MED23: variants seen among roughly 807,000 people sequenced by gnomAD.
The protein encoded by MED23 is mediator of RNA polymerase II transcription subunit 23.
In MED23, 105 loss-of-function variants were observed where a neutral mutation model predicts 163.9. The observed-to-expected ratio is 0.64, with a 90% CI of 0.55 to 0.75. The LOEUF is 0.75. Ranked by LOEUF, MED23 falls within the 30% of genes least tolerant of loss-of-function variation. The pLI, the probability that MED23 is intolerant of heterozygous loss-of-function variation, is 0.00. For missense variants in MED23, 1,054 were observed against 1,649.0 expected (o/e 0.64, Z 6.25); for synonymous variants, 561 against 565.6 (o/e 0.99, Z 0.12).
intron 8 of MED23, among the ~76,000 whole-genome samples, 190 bp from the exon 9 acceptor site, chr6:131,618,709 G>A (rs928231398): frequency 2.6e-5 from 4 of 152,190 alleles, no homozygotes; most frequent in Middle Eastern, 3.2e-3. Flanking sequence ...AGATCAATTT[G>A]CACAGGCTTT....
chr6:131,591,242 T>C, intron 26 of MED23, 71 bp downstream of exon 26: 1 of 1,210,790 alleles, frequency 8.3e-7, no homozygotes, highest in Non-Finnish European at 1.2e-6. Context: ...CCTCCCAAAG[T>C]GCTGGGATTA....
downstream of MED23, among the ~76,000 whole-genome samples, chr6:131,584,955 C>T (rs1046017040): frequency 4.7e-5 from 7 of 148,858 alleles, no homozygotes; most frequent in Non-Finnish European, 7.4e-5. Flanking sequence ...GCTTAGATCA[C>T]GCCACTGCAC....
intron 30 of MED23, among the ~76,000 whole-genome samples, chr6:131,575,079 C>A (rs1019557332): frequency 4.0e-5 from 6 of 151,888 alleles, no homozygotes; most frequent in Non-Finnish European, 8.8e-5. Context: ...ATAGAGCAAG[C>A]AAGAGGAAAG....
Position 131,600,130 on chromosome 6 carries a change from T to A in MED23, c.2128A>T (p.Thr710Ser). 6.2e-7 allele frequency: 1 copy of A among 1,612,214 alleles called. No homozygotes were observed. The highest frequency in any genetic ancestry group is 8.5e-7 in the Non-Finnish European group (1 of 1,178,312). The change falls in exon 18 of 29, where the codon ACT becomes TCT. Residue 710 changes from threonine to serine, a missense_variant. Physicochemically the swap from Thr to Ser is moderately conservative, Grantham distance 58. This residue lies in a region of MED23 where 228 missense variants were observed against 461.3 expected (regional missense o/e 0.49). Transcript: ENST00000368068. ...FFTGSDSIQG[T>S]WCKDILQTIM... ...GTCTGAAGTATGTCTTTACACCAAG[T>A]TCCCTGAATTGAATCAGAGCCTGTA...
chr6:131,581,329 A>C (rs1562359055), intron 30 of MED23: 6 of 1,613,836 alleles, frequency 3.7e-6, no homozygotes, highest in Non-Finnish European at 4.2e-6. Context: ...ACAAGTGGAA[A>C]CTTGCATGGA....
chr6:131,593,225 A>C lies in MED23; in HGVS notation c.3233-54T>G, dbSNP rs892754881. The C allele has an allele frequency of 5.6e-6, 9 of 1,604,492 alleles. No homozygotes were observed. The South Asian group carries it at 8.8e-5, about 16-fold the overall frequency. On this transcript the variant is annotated intron_variant, in intron 23 of 28. Transcript: ENST00000368068. ...GACTATCTCATCTGATTGTCAATTT[A>C]TCTGATTATGAGCTGCCAAGAAGTG...
chr6:131,621,137 A>T (rs1562404493), intron 6 of MED23, among the ~76,000 whole-genome samples: 1 of 152,152 alleles, frequency 6.6e-6, no homozygotes, highest in Non-Finnish European at 1.5e-5. Context: ...TGACAATGAC[A>T]ACAAAAAAGA....
In MED23 at chr6:131,587,557, A is replaced by C. The variant is rs1458326521; in HGVS notation, c.*122T>G. 5 of 1,540,068 alleles carry C rather than the reference A, an allele frequency of 3.2e-6. No individual in the cohort carries two copies. The Admixed American group carries it at 1.0e-4, about 31-fold the overall frequency. On this transcript the variant is annotated 3_prime_UTR_variant, in exon 29 of 29. Transcript: ENST00000368068. ...TTCATCATTTGAATCAAAATAAAAC[A>C]ATCTGAATATCATCACTGCTTCTAC... is the stretch of plus-strand genomic sequence containing the variant.
At chr6:131,589,689 G>T (rs1300216278) in intron 27 of MED23, 93 bp from the exon 28 acceptor site, 1 of 1,160,434 alleles carries the variant, frequency 8.6e-7, no homozygotes, top group Non-Finnish European at 1.3e-6. Context: ...ACTAGCACCG[G>T]GGGATACTGT....
At chr6:131,599,994 A>G in intron 18 of MED23, 44 bp downstream of exon 18, 1 of 1,608,292 alleles carries the variant, frequency 6.2e-7, no homozygotes, top group Non-Finnish European at 8.5e-7. Flanking sequence ...GAATGGGAAG[A>G]AGGATTTCAT....
At chr6:131,611,299 C>T (rs971688745) in intron 10 of MED23, among the ~76,000 whole-genome samples, 4 of 152,148 alleles carry the variant, frequency 2.6e-5, no homozygotes, top group Non-Finnish European at 4.4e-5. Context: ...CTTTTGCATG[C>T]TCTTTGCCAG....
intron 9 of MED23, among the ~76,000 whole-genome samples, chr6:131,616,490 G>A (rs1273904538): frequency 6.6e-6 from 1 of 152,144 alleles, no homozygotes; most frequent in Non-Finnish European, 1.5e-5. Context: ...AGGCATGTAA[G>A]TATAGAATTT....
downstream of MED23, chr6:131,582,865 A>G: frequency 1.3e-6 from 1 of 777,066 alleles, no homozygotes; most frequent in South Asian, 1.5e-5. Flanking sequence ...ACATGTACAT[A>G]CATATGTATG....
At chr6:131,602,634 A>G (rs1379035879) in intron 16 of MED23, among the ~76,000 whole-genome samples, 2 of 152,210 alleles carry the variant, frequency 1.3e-5, no homozygotes, top group Non-Finnish European at 2.9e-5. Flanking sequence ...TTTCACCTGG[A>G]GATACTGCAT....
chr6:131,618,592 A>G, intron 8 of MED23, 73 bp from the exon 9 acceptor site: 1 of 959,348 alleles, frequency 1.0e-6, no homozygotes, highest in Non-Finnish European at 1.7e-6. Flanking sequence ...CAAATATTTA[A>G]TGAACATATA....
At chr6:131,585,241 C>T (rs192527884), downstream of MED23, among the ~76,000 whole-genome samples, 5 of 152,090 alleles carry the variant, frequency 3.3e-5, no homozygotes, top group African/African-American at 4.8e-5. Flanking sequence ...CCAGAGTAAA[C>T]GGTAATCAAA....
Position 131,594,141 on chromosome 6 carries a change from C to G in MED23, c.3190G>C (p.Asp1064His), listed in dbSNP as rs762320105. 1 of 1,614,138 alleles carries G rather than the reference C, an allele frequency of 6.2e-7. No individual in the cohort carries two copies. The highest frequency in any genetic ancestry group is 1.1e-5 in the South Asian group (1 of 91,084). Residue 1064 changes from aspartate (D) to histidine (H), a missense_variant, in exon 23 of 29, where the codon GAT (aspartate) becomes CAT (histidine). Transcript: ENST00000368068. ...ATCAATCTGCAATAGTAGGTGTCAT[C>G]TGGAACCCAAGGATTTTCCTCTCGT... ...NAREENPWVP[D>H]DTYYCRLIGR...
chr6:131,610,030 A>C lies in MED23; in HGVS notation c.1077+16T>G. The C allele has an allele frequency of 6.2e-7, 1 of 1,610,018 alleles. No individual in the cohort carries two copies. On this transcript the variant is annotated intron_variant, in intron 11 of 28. Coordinates refer to ENST00000368068, the MANE Select transcript of MED23 (RefSeq NM_004830.4). ...CAACAGGTGAAGTCACTCCGACCATAAGATTTAGTACATACCTTCTGATGA... is the reference window on the plus strand; with the variant it reads ...CAACAGGTGAAGTCACTCCGACCATCAGATTTAGTACATACCTTCTGATGA...
Position 131,594,100 on chromosome 6 carries a change from A to G in MED23, c.3231T>C (p.Asp1077=). The G allele has an allele frequency of 1.2e-6, 2 of 1,608,154 alleles. No individual in the cohort carries two copies. The highest frequency in any genetic ancestry group is 1.7e-6 in the Non-Finnish European group (2 of 1,174,782). ...CTAAAATCACAATAAAAAGGATATTATCGACTAGTCTGCCAATCAATCTGC... is the reference window on the plus strand; with the variant it reads ...CTAAAATCACAATAAAAAGGATATTGTCGACTAGTCTGCCAATCAATCTGC... ...YYCRLIGRLV[D]TMAGKSPGPF... is the part of the protein sequence containing the mutation. The change falls in exon 23 of 29, where the codon GAT becomes GAC. Residue 1077 remains aspartate, a splice_region_variant and synonymous_variant. Transcript: ENST00000368068.
Sources: gnomAD v4.1 joint callset for allele counts (sites outside exome capture counted in the v4.1 genomes callset) on GRCh38, gnomAD v4.1.1 for gene constraint, gnomAD v4.1.1 regional missense constraint, MANE v1.5 for transcripts, NCBI Gene and HGNC (gene_info 2026-07-23, HGNC 2026-07-21) for gene names.